REV1: variants seen among roughly 807,000 people sequenced by gnomAD.
The protein encoded by REV1 is REV1 DNA directed polymerase, also known as translesion synthesis protein REV1.
In REV1, 42 loss-of-function variants were observed where a neutral mutation model predicts 137.4. That is an observed-to-expected ratio of 0.31 (90% CI 0.24 to 0.40). The LOEUF (loss-of-function observed/expected upper bound fraction) is 0.40. REV1 is among the 10% of genes least tolerant of loss of function. The pLI is 1.00. For synonymous variants in REV1, 524 were observed against 519.2 expected (o/e 1.01, Z -0.12); for missense variants, 1,282 against 1,490.1 (o/e 0.86, Z 2.30).
rs753380213 is a variant in REV1, at chr2:99,449,496, C to T, written c.190G>A (p.Ala64Thr). Reference protein sequence around the residue: ...IYVNGYTDPSAEELRKLMMLH... With the variant: ...IYVNGYTDPSTEELRKLMMLH... ...ATCATTAGTTTTCTCAATTCCTCAG[C>T]GGAAGGATCTGCAAAATTTATATTA... Residue 64 changes from alanine (A) to threonine (T), a missense_variant, in exon 4 of 23, where the codon GCT becomes ACT. Transcript: ENST00000258428. 3 of 1,446,944 alleles carry T rather than the reference C, an allele frequency of 2.1e-6. No homozygotes were observed. The highest frequency in any genetic ancestry group is 2.6e-5 in the Admixed American group (1 of 39,016). The allele number at this position is 1,446,944 out of a possible 1,614,324, so 89.6% of individuals were successfully genotyped here.
chr2:99,436,698 T>G (rs978462418), intron 6 of REV1: 2 of 152,196 alleles, frequency 1.3e-5, no homozygotes. Flanking sequence ...TTCATCAGGG[T>G]CATTTTAACC....
At chr2:99,443,918 AC>A (rs1336615695) in intron 4 of REV1, among the ~76,000 whole-genome samples, 1 of 150,996 alleles carries the variant, frequency 6.6e-6, no homozygotes, top group Non-Finnish European at 1.5e-5. Context: ...TCTCGGCTTC[AC>A]GCCATTCTCC....
chr2:99,461,311 G>A (rs1266082675), intron 3 of REV1, among the ~76,000 whole-genome samples: 3 of 152,186 alleles, frequency 2.0e-5, no homozygotes, highest in African/African-American at 7.2e-5. Context: ...CTGAATGATT[G>A]TGTCCAGTCA....
At chr2:99,418,776 A>G (rs765034606) in intron 12 of REV1, 52 bp downstream of exon 12, 507 of 1,535,236 alleles carry the variant, frequency 3.3e-4, no homozygotes, top group Non-Finnish European at 4.4e-4. Flanking sequence ...ATAGATATGA[A>G]AAGTACTTGT....
chr2:99,435,572 C>T (rs983329156), intron 7 of REV1: 4 of 231,530 alleles, frequency 1.7e-5, no homozygotes, highest in African/African-American at 2.3e-5. Context: ...TTAGAAAATG[C>T]CCAATACAGA....
intron 1 of REV1, among the ~76,000 whole-genome samples, chr2:99,478,003 C>A (rs1434452602): frequency 2.6e-5 from 4 of 152,150 alleles, no homozygotes; most frequent in Non-Finnish European, 5.9e-5. Context: ...GAGGCCAAGG[C>A]AGGTGGATCA....
At chr2:99,445,664 T>C (rs1040505773) in intron 4 of REV1, among the ~76,000 whole-genome samples, 1 of 152,214 alleles carries the variant, frequency 6.6e-6, no homozygotes, top group African/African-American at 2.4e-5. Context: ...GTGACAAAAA[T>C]TTTTTAAACC....
At chr2:99,489,216 C>T (rs367786277) in intron 1 of REV1, among the ~76,000 whole-genome samples, 1 of 152,170 alleles carries the variant, frequency 6.6e-6, no homozygotes. Context: ...CAAGGAAAAA[C>T]AAGGGAGCAA....
chr2:99,425,235 C>T (rs1679189177), intron 9 of REV1, among the ~76,000 whole-genome samples: 1 of 152,070 alleles, frequency 6.6e-6, no homozygotes, highest in Admixed American at 6.6e-5. Flanking sequence ...TGGCACCCTC[C>T]CAACATCCAG....
intron 12 of REV1, among the ~76,000 whole-genome samples, chr2:99,413,681 T>C (rs1226941872): frequency 1.3e-5 from 2 of 152,226 alleles, no homozygotes; most frequent in African/African-American, 4.8e-5. Flanking sequence ...ATTAATTCTG[T>C]TGCTCTAAGT....
rs529509115 is a variant in REV1 at position 99,420,275 on chromosome 2, G to T, written c.1831+1224C>A. Reference sequence around the variant, plus strand: ...GAAATCTTAAAAATCCTGCTGGCTGGGGAGAGACTGCCCTCCCAGGGCTGG... The same window carrying T: ...GAAATCTTAAAAATCCTGCTGGCTGTGGAGAGACTGCCCTCCCAGGGCTGG... On this transcript the variant is annotated intron_variant, in intron 11 of 22. Transcript: ENST00000258428. Among the ~76,000 whole-genome samples, 30 of 152,246 alleles carry T rather than the reference G, an allele frequency of 2.0e-4. No individual in the cohort carries two copies. In the South Asian group the frequency reaches 6.0e-3, roughly 31 times the overall value.
intron 4 of REV1, among the ~76,000 whole-genome samples, chr2:99,444,308 T>C (rs1162234165): frequency 6.6e-6 from 1 of 152,120 alleles, no homozygotes; most frequent in Non-Finnish European, 1.5e-5. Context: ...AAGTAGAGAG[T>C]GAAACTACAC....
intron 11 of REV1, among the ~76,000 whole-genome samples, chr2:99,419,631 T>A (rs1283446563): frequency 6.6e-6 from 1 of 152,096 alleles, no homozygotes; most frequent in African/African-American, 2.4e-5. Flanking sequence ...AGTGCGCGAC[T>A]GGACTGGGGA....
At chr2:99,451,344 C>G in intron 3 of REV1, 1 of 1,261,684 alleles carries the variant, frequency 7.9e-7, no homozygotes. Flanking sequence ...AAAGTACTCA[C>G]CCGTCTACTA....
rs1676016922 is a variant in REV1 at position 99,404,633 on chromosome 2, T to A, written c.2856A>T (p.Glu952Asp). The change falls in exon 18 of 23, where the codon GAA becomes GAT. Residue 952 changes from glutamate (E) to aspartate (D), a missense_variant. This residue lies in a region of REV1 where 135 missense variants were observed against 123.3 expected (regional missense o/e 1.10). Transcript: ENST00000258428. ...VLEALPPDLR[E>D]QVEQVCAVQQ... ...GGACAGCACAGACTTGCTCTACTTGTTCCCGGAGATCAGGTGGAAGTGCTT... is the reference window on the plus strand; with the variant it reads ...GGACAGCACAGACTTGCTCTACTTGATCCCGGAGATCAGGTGGAAGTGCTT... 15 of 1,612,086 alleles carry A rather than the reference T, an allele frequency of 9.3e-6. No homozygotes were observed. The highest frequency in any genetic ancestry group is 1.3e-5 in the Non-Finnish European group (15 of 1,179,552).
At chr2:99,465,580 C>T (rs577843617) in intron 1 of REV1, among the ~76,000 whole-genome samples, 32 of 152,286 alleles carry the variant, frequency 2.1e-4, no homozygotes, top group African/African-American at 7.5e-4. Flanking sequence ...ATAAAACCAC[C>T]AGGATGACCA....
At chr2:99,406,168 T>G in intron 16 of REV1, 62 bp from the exon 17 acceptor site, 2 of 1,424,460 alleles carry the variant, frequency 1.4e-6, no homozygotes, top group Non-Finnish European at 1.9e-6. Context: ...TTTAATCCTC[T>G]GTCCATTACA....
chr2:99,435,766 G>GT, intron 7 of REV1, 68 bp downstream of exon 7: 1 of 804,572 alleles, frequency 1.2e-6, no homozygotes, highest in Non-Finnish European at 1.9e-6. Context: ...AAAAGATTTT[G>GT]TAATCTCTTT....
intron 16 of REV1, 63 bp from the exon 17 acceptor site, chr2:99,406,169 G>T: frequency 7.0e-7 from 1 of 1,422,606 alleles, no homozygotes; most frequent in Non-Finnish European, 9.4e-7. Flanking sequence ...TTAATCCTCT[G>T]TCCATTACAA....
Sources: gnomAD v4.1 joint callset for allele counts (sites outside exome capture counted in the v4.1 genomes callset) on GRCh38, gnomAD v4.1.1 for gene constraint, gnomAD v4.1.1 regional missense constraint, MANE v1.5 for transcripts, NCBI Gene and HGNC (gene_info 2026-07-23, HGNC 2026-07-21) for gene names.